The following RBFOX1 variants were observed in gnomAD, a reference collection of about 807,000 sequenced individuals.
The protein encoded by RBFOX1 is RNA binding fox-1 homolog 1, also known as RNA binding protein fox-1 homolog 1.
In RBFOX1, 8 loss-of-function variants were observed where a neutral mutation model predicts 57.7. The observed-to-expected ratio is 0.14, with a 90% confidence interval of 0.08 to 0.25. The LOEUF (loss-of-function observed/expected upper bound fraction) is 0.25, where lower values mean the gene tolerates loss of function less well. RBFOX1 is among the 10% of genes least tolerant of loss of function. RBFOX1 has a pLI of 1.00. For missense variants in RBFOX1, 611 were observed against 548.5 expected, an observed-to-expected ratio of 1.11 and a Z score of -1.14; for synonymous variants, 326 against 222.4, an observed-to-expected ratio of 1.47 and a Z score of -4.15.
chr16:5,687,994 G>A (rs948489300), intron 3 of RBFOX1, among the ~76,000 whole-genome samples: 6 of 152,104 alleles, frequency 3.9e-5, no homozygotes, highest in African/African-American at 1.4e-4. Context: ...TTCTCTGCAA[G>A]GGCCCAAGTT....
chr16:5,900,934 G>A (rs931887113), intron 4 of RBFOX1, among the ~76,000 whole-genome samples: 1 of 152,214 alleles, frequency 6.6e-6, no homozygotes, highest in Non-Finnish European at 1.5e-5. Context: ...TCCCTTGGGA[G>A]AGACTGACAG....
intron 4 of RBFOX1, among the ~76,000 whole-genome samples, chr16:7,276,594 A>G (rs2095444952): frequency 6.6e-6 from 1 of 151,956 alleles, no homozygotes; most frequent in Non-Finnish European, 1.5e-5. Context: ...GGATCACTTA[A>G]TTCATTTTAT....
chr16:6,878,895 C>G (rs530518847), intron 3 of RBFOX1, among the ~76,000 whole-genome samples: 1 of 152,098 alleles, frequency 6.6e-6, no homozygotes, highest in African/African-American at 2.4e-5. Context: ...TCTCCCAGTA[C>G]CATCTTCAAG....
intron 1 of RBFOX1, among the ~76,000 whole-genome samples, chr16:6,103,058 T>C (rs1384802715): frequency 1.3e-5 from 2 of 152,192 alleles, no homozygotes; most frequent in Non-Finnish European, 2.9e-5. Context: ...GGATTTAAAA[T>C]ATAGATCGAA....
chr16:6,264,372 A>C (rs1395546675), intron 1 of RBFOX1, among the ~76,000 whole-genome samples: 1 of 152,178 alleles, frequency 6.6e-6, no homozygotes, highest in Non-Finnish European at 1.5e-5. Flanking sequence ...CAGAGTCATC[A>C]AAGTGGCTGT....
chr16:6,698,924 A>T (rs992883298), intron 3 of RBFOX1, among the ~76,000 whole-genome samples: 28 of 152,208 alleles, frequency 1.8e-4, no homozygotes, highest in African/African-American at 6.8e-4. Context: ...AGGCATATTG[A>T]ATGTGTCCAT....
chr16:6,411,243 A>G (rs924789383), intron 2 of RBFOX1, among the ~76,000 whole-genome samples: 1 of 152,132 alleles, frequency 6.6e-6, no homozygotes, highest in African/African-American at 2.4e-5. Context: ...GGACCTCCCA[A>G]AGCATTGGCA....
chr16:7,342,113 A>G (rs1475474682), intron 4 of RBFOX1, among the ~76,000 whole-genome samples: 1 of 152,152 alleles, frequency 6.6e-6, no homozygotes, highest in African/African-American at 2.4e-5. Flanking sequence ...AAATTTGAAA[A>G]GAACAGGATT....
At chr16:6,063,956 C>A (rs1437341582) in intron 1 of RBFOX1, among the ~76,000 whole-genome samples, 1 of 152,162 alleles carries the variant, frequency 6.6e-6, no homozygotes, top group Admixed American at 6.5e-5. Flanking sequence ...TATTTCCAAG[C>A]ATATTTAACC....
At chr16:6,513,380 C>T (rs942509011) in intron 2 of RBFOX1, among the ~76,000 whole-genome samples, 32 of 152,232 alleles carry the variant, frequency 2.1e-4, no homozygotes, top group African/African-American at 7.2e-4. Flanking sequence ...CTCATATCTA[C>T]ACATCAAACT....
At position 5,480,349 on chromosome 16, in the gene RBFOX1, C is replaced by T. The variant is rs1276210022; in HGVS notation, c.258+13095C>T. Among the ~76,000 whole-genome samples the T allele has an allele frequency of 2.6e-5, 4 of 151,708 alleles. No homozygotes were observed. The East Asian group carries it at 5.8e-4, about 22-fold the overall frequency. Reference sequence around the variant, plus strand: ...ATGTACTACACATCCATAAACACCTCGCCCATCTATGCATCATGTATAGAT... The same window carrying T: ...ATGTACTACACATCCATAAACACCTTGCCCATCTATGCATCATGTATAGAT... On this transcript the variant is annotated intron_variant, in intron 2 of 2. Transcript: ENST00000585867.
chr16:7,342,619 A>C (rs1368003734), intron 4 of RBFOX1, among the ~76,000 whole-genome samples: 2 of 152,118 alleles, frequency 1.3e-5, no homozygotes, highest in East Asian at 3.9e-4. Context: ...TTCTTGGTGG[A>C]GATTCCTGGT....
chr16:7,586,536 T>G (rs1019703818), intron 6 of RBFOX1, among the ~76,000 whole-genome samples: 1 of 152,226 alleles, frequency 6.6e-6, no homozygotes, highest in Non-Finnish European at 1.5e-5. Context: ...TGACATATCC[T>G]GAAAAATCTG....
At chr16:5,903,026 C>G (rs1431682445) in intron 4 of RBFOX1, among the ~76,000 whole-genome samples, 1 of 152,128 alleles carries the variant, frequency 6.6e-6, no homozygotes, top group East Asian at 1.9e-4. Context: ...TCCAGCCTCC[C>G]ATGGTTAGGC....
At chr16:7,324,697 G>C (rs1207282066) in intron 4 of RBFOX1, among the ~76,000 whole-genome samples, 3 of 152,254 alleles carry the variant, frequency 2.0e-5, no homozygotes, top group East Asian at 3.9e-4. Flanking sequence ...GAACCACTGG[G>C]GATTTGAGTT....
At chr16:5,951,454 T>C (rs1264668653) in intron 4 of RBFOX1, among the ~76,000 whole-genome samples, 2 of 151,916 alleles carry the variant, frequency 1.3e-5, no homozygotes, top group East Asian at 1.9e-4. Context: ...TCTCAAAATA[T>C]ATGTGTGTGT....
chr16:6,285,498 AAACACCTCTTGGG>A (rs1009823925), intron 1 of RBFOX1, among the ~76,000 whole-genome samples: 5 of 152,136 alleles, frequency 3.3e-5, no homozygotes, highest in African/African-American at 1.2e-4. Flanking sequence ...TTCATCCCTA[AAACACCTCTTGGG>A]TGTTGCCGAG....
At chr16:5,793,813 C>G (rs749803313) in intron 3 of RBFOX1, among the ~76,000 whole-genome samples, 1 of 152,106 alleles carries the variant, frequency 6.6e-6, no homozygotes, top group African/African-American at 2.4e-5. Flanking sequence ...GCATTGCATG[C>G]GTGCATGTGC....
chr16:7,080,993 C>T (rs2059109991), intron 4 of RBFOX1, among the ~76,000 whole-genome samples: 1 of 152,198 alleles, frequency 6.6e-6, no homozygotes, highest in African/African-American at 2.4e-5. Flanking sequence ...ACCTCACTTC[C>T]CCTCCTCAGC....
Sources: gnomAD v4.1 joint callset for allele counts (sites outside exome capture counted in the v4.1 genomes callset) on GRCh38, gnomAD v4.1.1 for gene constraint, MANE v1.5 for transcripts, NCBI Gene and HGNC (gene_info 2026-07-23, HGNC 2026-07-21) for gene names.